KATNBL1: variants seen among roughly 807,000 people sequenced by gnomAD.
KATNBL1 encodes the protein katanin regulatory subunit B1 like 1, also known as KATNB1-like protein 1.
A neutral mutation model predicts 44.7 loss-of-function variants in KATNBL1; 28 were observed. That is an observed-to-expected ratio of 0.63 (90% CI 0.46 to 0.86). KATNBL1 has a LOEUF of 0.86. Among genes scored for constraint, KATNBL1 ranks in the 40% least tolerant of loss-of-function variants. The pLI is 0.00. For synonymous variants in KATNBL1, 78 were observed against 114.9 expected (o/e 0.68, Z 2.06); for missense variants, 272 against 350.7 (o/e 0.78, Z 1.79).
At chr15:34,199,514 C>T (rs111739133) in intron 1 of KATNBL1, 1 of 152,184 alleles carries the variant, frequency 6.6e-6, no homozygotes, top group Non-Finnish European at 1.5e-5. Context: ...AAACTAAATC[C>T]CGTCATCCTG....
At chr15:34,186,256 T>C (rs1284217676) in intron 1 of KATNBL1, among the ~76,000 whole-genome samples, 1 of 152,126 alleles carries the variant, frequency 6.6e-6, no homozygotes, top group Admixed American at 6.5e-5. Flanking sequence ...ACCAGTTGGG[T>C]CTGCACAATC....
intron 1 of KATNBL1, among the ~76,000 whole-genome samples, chr15:34,194,812 T>C (rs1889987885): frequency 6.6e-6 from 1 of 152,196 alleles, no homozygotes; most frequent in Non-Finnish European, 1.5e-5. Flanking sequence ...CAAATAGACA[T>C]TCTTCAAAAG....
chr15:34,152,161 C>T (rs1020703010), intron 4 of KATNBL1, among the ~76,000 whole-genome samples: 1 of 151,380 alleles, frequency 6.6e-6, no homozygotes, highest in Non-Finnish European at 1.5e-5. Context: ...AGGCTGGCCT[C>T]GAACTCCCGA....
chr15:34,169,738 C>T (rs1889100809), intron 1 of KATNBL1, among the ~76,000 whole-genome samples: 2 of 152,184 alleles, frequency 1.3e-5, no homozygotes, highest in African/African-American at 4.8e-5. Context: ...ACCTTATCCA[C>T]CACGATCAAG....
chr15:34,168,657 C>T (rs557437041), intron 1 of KATNBL1, among the ~76,000 whole-genome samples: 15 of 152,296 alleles, frequency 9.8e-5, no homozygotes, highest in African/African-American at 3.6e-4. Flanking sequence ...CACCACATCG[C>T]ACTTATTCCA....
chr15:34,200,079 G>C (rs1394682065), intron 1 of KATNBL1, among the ~76,000 whole-genome samples: 1 of 152,068 alleles, frequency 6.6e-6, no homozygotes, highest in African/African-American at 2.4e-5. Context: ...GCTAGACACA[G>C]AGCACTGATG....
chr15:34,184,561 T>C (rs537804119), intron 1 of KATNBL1, among the ~76,000 whole-genome samples: 7 of 104,464 alleles, frequency 6.7e-5, no homozygotes, highest in African/African-American at 2.4e-4. Flanking sequence ...ATACTTCCTG[T>C]CTCTCCTAAT....
At chr15:34,204,593 AG>A in intron 1 of KATNBL1, among the ~76,000 whole-genome samples, 1 of 152,334 alleles carries the variant, frequency 6.6e-6, no homozygotes, top group South Asian at 2.1e-4. Flanking sequence ...TGGAGTTTTA[AG>A]GAATTCTTGT....
chr15:34,193,077 C>T (rs984053330), intron 1 of KATNBL1, among the ~76,000 whole-genome samples: 88 of 151,754 alleles, frequency 5.8e-4, no homozygotes, highest in Non-Finnish European at 1.0e-4. Context: ...ATTAGCCGGG[C>T]GTAGTGGCGG....
At chr15:34,197,128 A>G (rs1890048217) in intron 1 of KATNBL1, among the ~76,000 whole-genome samples, 1 of 152,248 alleles carries the variant, frequency 6.6e-6, no homozygotes, top group African/African-American at 2.4e-5. Flanking sequence ...TGCATCCATG[A>G]TAACACAAGA....
intron 1 of KATNBL1, among the ~76,000 whole-genome samples, chr15:34,188,692 T>A (rs1402829767): frequency 6.6e-6 from 1 of 152,258 alleles, no homozygotes; most frequent in Non-Finnish European, 1.5e-5. Context: ...CTGCTCTGCT[T>A]CATATTGGGT....
At chr15:34,161,036 T>C (rs1295763907) in intron 2 of KATNBL1, among the ~76,000 whole-genome samples, 1 of 152,186 alleles carries the variant, frequency 6.6e-6, no homozygotes, top group Non-Finnish European at 1.5e-5. Context: ...TGGTATAAAC[T>C]CCAACCCAGA....
At chr15:34,176,408 C>G (rs919844009) in intron 1 of KATNBL1, among the ~76,000 whole-genome samples, 30 of 151,700 alleles carry the variant, frequency 2.0e-4, no homozygotes, top group African/African-American at 7.0e-4. Context: ...AATACATATA[C>G]AACATGTTTG....
At chr15:34,200,342 T>C (rs1184803392) in intron 1 of KATNBL1, among the ~76,000 whole-genome samples, 1 of 151,598 alleles carries the variant, frequency 6.6e-6, no homozygotes, top group African/African-American at 2.4e-5. Context: ...AACCTTCGCC[T>C]CCCGCATTCA....
intron 1 of KATNBL1, among the ~76,000 whole-genome samples, chr15:34,188,332 G>C (rs759008283): frequency 6.6e-6 from 1 of 151,746 alleles, no homozygotes; most frequent in Non-Finnish European, 1.5e-5. Context: ...GAGGCGGACA[G>C]ATCAGTTGAG....
At chr15:34,172,887 A>G (rs965090223) in intron 1 of KATNBL1, among the ~76,000 whole-genome samples, 3 of 152,186 alleles carry the variant, frequency 2.0e-5, no homozygotes, top group East Asian at 3.8e-4. Context: ...ATCAAAACTA[A>G]TAGAGCTATA....
intron 2 of KATNBL1, among the ~76,000 whole-genome samples, chr15:34,156,043 G>A (rs922782180): frequency 1.1e-4 from 17 of 152,142 alleles, no homozygotes; most frequent in African/African-American, 2.4e-4. Flanking sequence ...GCACTAGGGC[G>A]CAAGTGACAC....
rs573631045 is a variant in KATNBL1, at chr15:34,151,397, T to C, written c.438+1393A>G. ...TTCATATGCTTGTCACCTACATGTA[T>C]GTCTTCTTTTGAAAAGTGTCTATTG... On this transcript the variant is annotated intron_variant, in intron 4 of 9. Coordinates refer to ENST00000256544, the MANE Select transcript of KATNBL1 (RefSeq NM_024713.3). Among the ~76,000 whole-genome samples the C allele has an allele frequency of 7.3e-5, 11 of 151,630 alleles. No individual in the cohort carries two copies. The East Asian group carries it at 7.8e-4, about 11-fold the overall frequency.
Position 34,163,629 on chromosome 15 carries a change from C to CT in KATNBL1, c.47dup (p.Ile17AspfsTer2). The CT allele has an allele frequency of 6.3e-7, 1 of 1,599,588 alleles. No homozygotes were observed. On this transcript the variant is annotated frameshift_variant, in exon 2 of 10. Transcript: ENST00000256544. LOFTEE classifies it high-confidence loss of function. ...GAAGATCAATGAAATGATCCTCAAT[C>CT]TTATTACAAAAGTTCCGTTTTTTAA...
Sources: allele counts gnomAD v4.1 joint callset (sites outside exome capture counted in the v4.1 genomes callset), GRCh38; gene constraint gnomAD v4.1.1; transcripts MANE v1.5; gene names NCBI Gene and HGNC (gene_info 2026-07-23, HGNC 2026-07-21).